The following BLTP1 variants were observed in gnomAD, a reference collection of about 807,000 sequenced individuals.
BLTP1 encodes the protein fragile site-associated protein.
the BLTP1 span, chr4:122,336,671 C>T: frequency 2.0e-6 from 2 of 975,610 alleles, no homozygotes; most frequent in African/African-American, 1.8e-5. Flanking sequence ...TTTCTTTGTA[C>T]AGTGTTTGGT....
At chr4:122,196,333 G>A in the BLTP1 span, among the ~76,000 whole-genome samples, 1 of 152,228 alleles carries the variant, frequency 6.6e-6, no homozygotes, top group African/African-American at 2.4e-5. Context: ...TTTTAATTAA[G>A]CTATCCTCTG....
chr4:122,277,841 A>C, the BLTP1 span: 1 of 569,234 alleles, frequency 1.8e-6, no homozygotes, highest in South Asian at 7.8e-5. Flanking sequence ...ATGTCTGTAT[A>C]GTGGTTGTAC....
the BLTP1 span, among the ~76,000 whole-genome samples, chr4:122,282,277 A>C: frequency 2.6e-5 from 4 of 152,154 alleles, no homozygotes; most frequent in African/African-American, 9.7e-5. Context: ...ACACATTTTA[A>C]AGAATAATTA....
the BLTP1 span, chr4:122,176,038 A>C: frequency 1.7e-6 from 1 of 578,092 alleles, no homozygotes; most frequent in South Asian, 2.1e-5. Flanking sequence ...ACGGTGGCTT[A>C]TGTCTGTAAT....
the BLTP1 span, among the ~76,000 whole-genome samples, chr4:122,238,659 T>C: frequency 1.3e-5 from 2 of 152,244 alleles, no homozygotes; most frequent in Non-Finnish European, 2.9e-5. Context: ...TGGATACTTT[T>C]TGTTCCTCCT....
chr4:122,250,351 T>A, the BLTP1 span: 66 of 1,587,100 alleles, frequency 4.2e-5, no homozygotes, highest in Non-Finnish European at 5.4e-5. Context: ...TGCTTTTTTT[T>A]ATTTTTATAG....
the BLTP1 span, chr4:122,299,993 T>C: frequency 1.1e-6 from 1 of 912,254 alleles, no homozygotes; most frequent in Non-Finnish European, 1.3e-6. Context: ...AGTTTATTCT[T>C]CCAAAATACA....
At chr4:122,181,637 C>T in the BLTP1 span, among the ~76,000 whole-genome samples, 29 of 151,626 alleles carry the variant, frequency 1.9e-4, no homozygotes, top group African/African-American at 6.8e-4. Context: ...TCAAAAGCTT[C>T]ATTTGCAGCC....
the BLTP1 span, chr4:122,214,510 C>A: frequency 3.2e-6 from 3 of 934,858 alleles, no homozygotes; most frequent in Admixed American, 1.3e-4. Flanking sequence ...TATTTGTGTA[C>A]ATTTATTAAT....
At chr4:122,331,060 C>T in the BLTP1 span, 7 of 967,126 alleles carry the variant, frequency 7.2e-6, no homozygotes, top group Middle Eastern at 1.0e-3. Flanking sequence ...CCAACATACA[C>T]AGTATATTTT....
chr4:122,289,584 A>G, the BLTP1 span: 1 of 985,188 alleles, frequency 1.0e-6, no homozygotes, highest in Admixed American at 6.2e-5. Context: ...GTCTGTGGAA[A>G]CCCTCATTAT....
chr4:122,246,000 G>A, the BLTP1 span: 5 of 748,810 alleles, frequency 6.7e-6, no homozygotes, highest in Admixed American at 4.4e-5. Flanking sequence ...CTAGCTTATC[G>A]AAAGTTTGGA....
the BLTP1 span, among the ~76,000 whole-genome samples, chr4:122,327,690 A>T: frequency 6.6e-6 from 1 of 151,772 alleles, no homozygotes; most frequent in Non-Finnish European, 1.5e-5. Context: ...CATTTAAAAG[A>T]TCCACAAAAA....
chr4:122,228,532 C>G, the BLTP1 span, among the ~76,000 whole-genome samples: 6 of 152,116 alleles, frequency 3.9e-5, no homozygotes, highest in Admixed American at 6.5e-5. Context: ...TCTGGCTCTG[C>G]CACTAATGAG....
chr4:122,195,357 C>T, the BLTP1 span, among the ~76,000 whole-genome samples: 2 of 151,970 alleles, frequency 1.3e-5, no homozygotes, highest in Admixed American at 6.6e-5. Context: ...AGTTGAAATA[C>T]AAACTGTTTT....
the BLTP1 span, chr4:122,153,069 C>T: frequency 1.0e-6 from 1 of 978,492 alleles, no homozygotes; most frequent in Non-Finnish European, 1.2e-6. Context: ...GCACTGCACT[C>T]TAGAAGACTA....
the BLTP1 span, among the ~76,000 whole-genome samples, chr4:122,227,958 G>T: frequency 6.7e-6 from 1 of 148,888 alleles, no homozygotes; most frequent in African/African-American, 2.5e-5. Context: ...CTGTCGCCCA[G>T]GCTGGAGTGC....
the BLTP1 span, chr4:122,173,248 G>A: frequency 1.5e-6 from 2 of 1,305,258 alleles, no homozygotes; most frequent in Middle Eastern, 2.6e-4. Flanking sequence ...CTGAGACTAG[G>A]TCATTTATAA....
chr4:122,228,023 C>G, the BLTP1 span, among the ~76,000 whole-genome samples: 1 of 151,892 alleles, frequency 6.6e-6, no homozygotes, highest in African/African-American at 2.4e-5. Flanking sequence ...ATGCCACTCT[C>G]TTGCCTCAGC....
Sources: allele counts gnomAD v4.1 joint callset (sites outside exome capture counted in the v4.1 genomes callset), GRCh38; gene constraint gnomAD v4.1.1; transcripts MANE v1.5; gene names NCBI Gene and HGNC (gene_info 2026-07-23, HGNC 2026-07-21).